The following LRRC37A variants were observed in gnomAD, a reference collection of about 807,000 sequenced individuals.
The protein encoded by LRRC37A is leucine-rich repeat-containing protein 37A.
In LRRC37A, 3 loss-of-function variants were observed where a neutral mutation model predicts 35.4. The ratio of observed to expected loss-of-function variants is 0.08; its 90% confidence interval spans 0.04 to 0.22. The LOEUF (loss-of-function observed/expected upper bound fraction) is 0.22, where lower values mean the gene tolerates loss of function less well. LRRC37A is among the 10% of genes least tolerant of loss of function. The pLI is 1.00. For synonymous variants in LRRC37A, 23 were observed against 215.0 expected (o/e 0.11, Z 7.81); for missense variants, 67 against 565.3 (o/e 0.12, Z 8.94).
chr17:46,259,895 C>T, the LRRC37A span: 1 of 1,570,684 alleles, frequency 6.4e-7, no homozygotes, highest in Non-Finnish European at 8.6e-7. Context: ...TGGCTGCCCT[C>T]TGGCTGTGGG....
At chr17:46,252,898 C>G in the LRRC37A span, among the ~76,000 whole-genome samples, 1 of 149,738 alleles carries the variant, frequency 6.7e-6, no homozygotes, top group South Asian at 2.1e-4. Flanking sequence ...GTACACCTCC[C>G]GGACGGGGCG....
At chr17:46,265,331 T>TC in the LRRC37A span, among the ~76,000 whole-genome samples, 1 of 119,072 alleles carries the variant, frequency 8.4e-6, no homozygotes, top group Non-Finnish European at 2.0e-5. Flanking sequence ...CTTCTTTTTT[T>TC]CTCCTCTTCT....
rs1175527035 is a variant in LRRC37A at position 46,311,707 on chromosome 17, TCA to T, written c.2906+5399_2906+5400del. 6.7e-5 allele frequency among the ~76,000 whole-genome samples: 5 copies of T among 74,764 alleles called. 1 individual carries two copies. The highest frequency in any genetic ancestry group is 1.5e-4 in the African/African-American group (4 of 26,472). The allele number at this position is 74,764 out of a possible 152,430, so 49.0% of individuals were successfully genotyped here. ...AGCAAAAGGCTTGTATAAAAATATT[TCA>T]GTTTTCCTCATCTAATAAGGCATAT... On this transcript the variant is annotated intron_variant, in intron 5 of 13. Coordinates refer to ENST00000320254, the Ensembl canonical transcript of LRRC37A.
At chr17:46,311,571 C>A in intron 5 of LRRC37A, among the ~76,000 whole-genome samples, 2 of 82,726 alleles carry the variant, frequency 2.4e-5, no homozygotes, top group Non-Finnish European at 6.0e-5. Flanking sequence ...AGAAAGGAAA[C>A]ATAGCTCATC....
chr17:46,252,139 C>A, the LRRC37A span, among the ~76,000 whole-genome samples: 7 of 152,152 alleles, frequency 4.6e-5, no homozygotes, highest in African/African-American at 1.7e-4. Context: ...GCATAAAATT[C>A]TCTTTTTTAT....
At chr17:46,283,052 G>C in the LRRC37A span, among the ~76,000 whole-genome samples, 1 of 152,162 alleles carries the variant, frequency 6.6e-6, no homozygotes, top group African/African-American at 2.4e-5. Context: ...CTGGGAGGCA[G>C]AGGTTGTATT....
chr17:46,262,474 A>G, the LRRC37A span, among the ~76,000 whole-genome samples: 2 of 152,206 alleles, frequency 1.3e-5, no homozygotes, highest in South Asian at 4.1e-4. Flanking sequence ...CAGCTTCCCA[A>G]AGTCCTGGGA....
At chr17:46,272,172 A>G in the LRRC37A span, among the ~76,000 whole-genome samples, 2 of 152,280 alleles carry the variant, frequency 1.3e-5, no homozygotes, top group African/African-American at 2.4e-5. Flanking sequence ...CAGGTGAAGC[A>G]TAACAGTTAT....
the LRRC37A span, among the ~76,000 whole-genome samples, chr17:46,275,994 G>T: frequency 1.3e-5 from 2 of 152,096 alleles, no homozygotes; most frequent in African/African-American, 2.4e-5. Context: ...AGATTCAAGC[G>T]ATTCTCCTGC....
chr17:46,262,626 A>G, the LRRC37A span, among the ~76,000 whole-genome samples: 1 of 152,102 alleles, frequency 6.6e-6, no homozygotes, highest in African/African-American at 2.4e-5. Flanking sequence ...CATAAGGACT[A>G]TTTCTCCTTG....
chr17:46,255,629 G>C, the LRRC37A span, among the ~76,000 whole-genome samples: 1 of 151,422 alleles, frequency 6.6e-6, no homozygotes, highest in Admixed American at 6.6e-5. Context: ...GCCTCCCAAA[G>C]TGCTGGGATT....
the LRRC37A span, chr17:46,267,253 C>T: frequency 1.1e-6 from 1 of 886,998 alleles, no homozygotes; most frequent in Non-Finnish European, 1.7e-6. Flanking sequence ...GGCCGTTTCG[C>T]TGTTGCTAAA....
chr17:46,279,508 T>A, the LRRC37A span, among the ~76,000 whole-genome samples: 1 of 149,814 alleles, frequency 6.7e-6, no homozygotes, highest in East Asian at 2.0e-4. Context: ...TTCTTTTTTT[T>A]TTTTTTTTTT....
the LRRC37A span, among the ~76,000 whole-genome samples, chr17:46,248,582 T>C: frequency 6.6e-6 from 1 of 152,080 alleles, no homozygotes; most frequent in Non-Finnish European, 1.5e-5. Context: ...TGCAGCGGCA[T>C]GACCTAGACT....
chr17:46,291,907 G>GGT (rs2050078875), upstream of LRRC37A, among the ~76,000 whole-genome samples: 1 of 150,562 alleles, frequency 6.6e-6, no homozygotes, highest in Non-Finnish European at 1.5e-5. Context: ...GCTGCGATGG[G>GGT]GTGTGATTGC....
chr17:46,250,075 G>GC, the LRRC37A span, among the ~76,000 whole-genome samples: 1 of 152,216 alleles, frequency 6.6e-6, no homozygotes, highest in African/African-American at 2.4e-5. Flanking sequence ...GGGATTACAG[G>GC]CGTGAGCCAC....
At chr17:46,271,171 T>TCTTTTCTTCTC in the LRRC37A span, among the ~76,000 whole-genome samples, 1 of 150,532 alleles carries the variant, frequency 6.6e-6, no homozygotes, top group Non-Finnish European at 1.5e-5. Context: ...TTTCTTTTTT[T>TCTTTTCTTCTC]TTTTTTTTTT....
At chr17:46,282,270 T>A in the LRRC37A span, among the ~76,000 whole-genome samples, 1 of 151,896 alleles carries the variant, frequency 6.6e-6, no homozygotes, top group East Asian at 2.0e-4. Flanking sequence ...GCCCGCCTAA[T>A]TTTTTGTTAT....
the LRRC37A span, among the ~76,000 whole-genome samples, chr17:46,258,940 G>A: frequency 6.2e-5 from 9 of 146,156 alleles, no homozygotes; most frequent in African/African-American, 1.0e-4. Context: ...GGATGGTCTC[G>A]ATCTCCTGAC....
Sources: allele counts gnomAD v4.1 joint callset (sites outside exome capture counted in the v4.1 genomes callset), GRCh38; gene constraint gnomAD v4.1.1; transcripts MANE v1.5; gene names NCBI Gene and HGNC (gene_info 2026-07-23, HGNC 2026-07-21).